The following NEDD4L variants were observed in gnomAD, a reference collection of about 807,000 sequenced individuals.
NEDD4L encodes the protein NEDD4 like E3 ubiquitin protein ligase.
A neutral mutation model predicts 148.9 loss-of-function variants in NEDD4L; 54 were observed. That is an observed-to-expected ratio of 0.36 (90% confidence interval 0.29 to 0.45). NEDD4L has a LOEUF of 0.45. NEDD4L is among the 20% of genes least tolerant of loss of function. The probability of loss-of-function intolerance (pLI) is 1.00; values close to 1 mark genes in which losing one functional copy is unlikely to be tolerated. For synonymous variants in NEDD4L, 433 were observed against 440.7 expected, an observed-to-expected ratio of 0.98 and a Z score of 0.22; for missense variants, 856 against 1,233.8, an observed-to-expected ratio of 0.69 and a Z score of 4.59.
chr18:58,387,372 T>C, intron 26 of NEDD4L, 67 bp from the exon 27 acceptor site: 1 of 1,452,350 alleles, frequency 6.9e-7, no homozygotes, highest in East Asian at 2.5e-5. Flanking sequence ...AAAAGTTTGT[T>C]TTTCCTGTGA....
intron 16 of NEDD4L, among the ~76,000 whole-genome samples, chr18:58,347,214 G>GCGCC (rs2043198630): frequency 8.8e-5 from 3 of 34,040 alleles, no homozygotes; most frequent in African/African-American, 4.3e-4. Flanking sequence ...GGCCCCCCCC[G>GCGCC]CCCCCCCCCC....
intron 11 of NEDD4L, among the ~76,000 whole-genome samples, chr18:58,333,489 T>G (rs954795536): frequency 2.6e-5 from 4 of 152,178 alleles, no homozygotes; most frequent in Admixed American, 2.6e-4. Flanking sequence ...TAGAGCAAAC[T>G]ACAAGACTGC....
intron 2 of NEDD4L, among the ~76,000 whole-genome samples, chr18:58,204,905 T>C (rs2041817528): frequency 6.6e-6 from 1 of 152,052 alleles, no homozygotes; most frequent in African/African-American, 2.4e-5. Flanking sequence ...CAACAGAGTA[T>C]GATGAAGAAA....
chr18:58,236,409 C>T (rs551806717), intron 2 of NEDD4L, among the ~76,000 whole-genome samples: 1 of 152,244 alleles, frequency 6.6e-6, no homozygotes, highest in South Asian at 2.1e-4. Context: ...AACGTTTCTT[C>T]TTCTAACCAT....
intron 2 of NEDD4L, among the ~76,000 whole-genome samples, chr18:58,212,503 G>A (rs963560326): frequency 2.6e-5 from 4 of 152,114 alleles, no homozygotes; most frequent in African/African-American, 9.7e-5. Context: ...ACTATCATGA[G>A]AACGGCATGG....
In NEDD4L at chr18:58,204,288, A is replaced by C. The variant is rs532387999; in HGVS notation, c.122+38427A>C. On this transcript the variant is annotated intron_variant, in intron 2 of 30. Transcript: ENST00000400345. ...GGTTGCAGTCAGCCAAGATTGCACCACTGCACTACAGCCTGGGCAACAGAG... is the reference window on the plus strand; with the variant it reads ...GGTTGCAGTCAGCCAAGATTGCACCCCTGCACTACAGCCTGGGCAACAGAG... Among the ~76,000 whole-genome samples, 12 of 152,294 alleles carry C rather than the reference A, an allele frequency of 7.9e-5. No homozygotes were observed. The East Asian group carries it at 2.1e-3, about 27-fold the overall frequency.
At chr18:58,369,454 T>C (rs1436937280) in intron 22 of NEDD4L, among the ~76,000 whole-genome samples, 1 of 46,504 alleles carries the variant, frequency 2.2e-5, no homozygotes, top group Non-Finnish European at 4.4e-5. Context: ...TCGGCAGGGC[T>C]CATTCTGCAC....
At chr18:58,146,119 G>A (rs2034073792) in intron 1 of NEDD4L, among the ~76,000 whole-genome samples, 1 of 152,186 alleles carries the variant, frequency 6.6e-6, no homozygotes, top group African/African-American at 2.4e-5. Context: ...ATTAAAGAGA[G>A]GATGCATAGA....
intron 5 of NEDD4L, among the ~76,000 whole-genome samples, chr18:58,280,351 C>G (rs1194162990): frequency 6.6e-6 from 1 of 152,176 alleles, no homozygotes; most frequent in Non-Finnish European, 1.5e-5. Flanking sequence ...GTGCCACTGT[C>G]CATCTGTGTA....
chr18:58,188,220 C>T (rs886889439), intron 2 of NEDD4L, among the ~76,000 whole-genome samples: 2 of 152,174 alleles, frequency 1.3e-5, no homozygotes, highest in African/African-American at 4.8e-5. Context: ...TCATCAGACA[C>T]CTCTTCACTG....
chr18:58,244,790 G>A (rs1251262822), intron 2 of NEDD4L, among the ~76,000 whole-genome samples: 1 of 152,116 alleles, frequency 6.6e-6, no homozygotes, highest in Non-Finnish European at 1.5e-5. Context: ...CTGTCTCTCA[G>A]GTTCAAGCGA....
intron 1 of NEDD4L, among the ~76,000 whole-genome samples, chr18:58,111,064 A>C (rs531172734): frequency 1.3e-5 from 2 of 152,120 alleles, no homozygotes; most frequent in African/African-American, 2.4e-5. Flanking sequence ...TATGATGTTA[A>C]TTTTTTTGTT....
intron 1 of NEDD4L, among the ~76,000 whole-genome samples, chr18:58,099,436 C>T (rs2084623440): frequency 6.6e-6 from 1 of 152,178 alleles, no homozygotes; most frequent in Non-Finnish European, 1.5e-5. Context: ...AAATACTAAA[C>T]TATTTTTTAA....
At position 58,389,150 on chromosome 18, in the gene NEDD4L, C is replaced by G. The variant is rs141136641; in HGVS notation, c.2613C>G (p.Asn871Lys). Residue 871 changes from asparagine (N) to lysine (K), a missense_variant, in exon 28 of 31, where the codon AAC becomes AAG. By Grantham distance (94) the Asn-to-Lys change is moderately conservative. Around this residue, in one of 4 missense-constraint regions of NEDD4L, gnomAD observed 286 missense variants for 531.8 expected, o/e 0.54. Coordinates refer to ENST00000400345, the MANE Select transcript of NEDD4L (RefSeq NM_001144967.3). ...GGAGACAGCATTCTATTTACAAGAA[C>G]GGCTACTGCCCAAACCACCCCGTCA... ...NDWRQHSIYK[N>K]GYCPNHPVIQ... 1 of 1,613,966 alleles carries G rather than the reference C, an allele frequency of 6.2e-7. No individual in the cohort carries two copies. Among genetic ancestry groups the G allele is most frequent in the Non-Finnish European group, 8.5e-7 (1 of 1,179,852 alleles).
intron 5 of NEDD4L, among the ~76,000 whole-genome samples, chr18:58,284,941 C>T (rs1299582564): frequency 1.3e-5 from 2 of 152,136 alleles, no homozygotes; most frequent in East Asian, 3.9e-4. Flanking sequence ...GTTTGTGGCT[C>T]TCATGGGGCA....
chr18:58,104,257 A>G (rs1316977493), intron 1 of NEDD4L, among the ~76,000 whole-genome samples: 1 of 152,218 alleles, frequency 6.6e-6, no homozygotes, highest in East Asian at 1.9e-4. Context: ...GATCTTGGTA[A>G]ATCTGTAGAG....
intron 1 of NEDD4L, among the ~76,000 whole-genome samples, chr18:58,072,275 A>G (rs987219130): frequency 6.6e-6 from 1 of 152,202 alleles, no homozygotes; most frequent in Non-Finnish European, 1.5e-5. Flanking sequence ...CAAGAAAACT[A>G]TGGAACAATA....
At chr18:58,351,864 T>C (rs1225616309) in intron 18 of NEDD4L, among the ~76,000 whole-genome samples, 4 of 152,202 alleles carry the variant, frequency 2.6e-5, no homozygotes, top group Non-Finnish European at 4.4e-5. Flanking sequence ...CTTCACAATT[T>C]CATAACTAAA....
intron 1 of NEDD4L, among the ~76,000 whole-genome samples, chr18:58,061,480 GTTTT>G (rs10579186): frequency 1.3e-4 from 20 of 148,366 alleles, no homozygotes; most frequent in East Asian, 3.9e-4. Context: ...ACTGTGGGTT[GTTTT>G]TTTTTTTTTT....
Sources: gnomAD v4.1 joint callset for allele counts (sites outside exome capture counted in the v4.1 genomes callset) on GRCh38, gnomAD v4.1.1 for gene constraint, gnomAD v4.1.1 regional missense constraint, MANE v1.5 for transcripts, NCBI Gene and HGNC (gene_info 2026-07-23, HGNC 2026-07-21) for gene names.